Variants in TTC7A observed in about 807,000 individuals in gnomAD.
The protein encoded by TTC7A is tetratricopeptide repeat protein 7A.
TTC7A carries 110 observed loss-of-function variants against 103.7 expected under a neutral mutation model. That is an observed-to-expected ratio of 1.06 (90% CI 0.91 to 1.24). The LOEUF (loss-of-function observed/expected upper bound fraction) is 1.24, where lower values mean the gene tolerates loss of function less well. Ranked by LOEUF, TTC7A falls within the 50% of genes most tolerant of loss-of-function variation. TTC7A has a pLI of 0.00. For missense variants in TTC7A, 1,340 were observed against 1,116.3 expected (o/e 1.20, Z -2.86); for synonymous variants, 521 against 467.9 (o/e 1.11, Z -1.47).
intron 2 of TTC7A, among the ~76,000 whole-genome samples, chr2:46,955,623 A>G (rs907731635): frequency 7.9e-5 from 12 of 152,176 alleles, no homozygotes; most frequent in Non-Finnish European, 1.8e-4. Context: ...TGGATTTACA[A>G]AGGCCAGAAG....
At chr2:47,050,133 G>C in intron 17 of TTC7A, 87 bp downstream of exon 17, 3 of 1,167,812 alleles carry the variant, frequency 2.6e-6, no homozygotes, top group Non-Finnish European at 3.8e-6. Context: ...GAGGGGCCGG[G>C]CCCTCTCCCA....
At chr2:46,979,611 G>A (rs1015073166) in intron 5 of TTC7A, among the ~76,000 whole-genome samples, 12 of 152,172 alleles carry the variant, frequency 7.9e-5, no homozygotes, top group African/African-American at 2.9e-4. Flanking sequence ...CTGGTGTTAG[G>A]CCGGGAGTGG....
At chr2:46,956,744 C>G (rs1558506374) in intron 2 of TTC7A, 95 bp from the exon 3 acceptor site, 2 of 1,395,624 alleles carry the variant, frequency 1.4e-6, no homozygotes, top group Non-Finnish European at 2.0e-6. Flanking sequence ...GAGTTCTGAG[C>G]AAGGTCTGAG....
At chr2:46,974,708 A>AGG in intron 3 of TTC7A, 2 of 570,056 alleles carry the variant, frequency 3.5e-6, no homozygotes, top group Non-Finnish European at 6.6e-6. Context: ...TGCGTTACAG[A>AGG]GGAGGGGTCA....
At chr2:46,954,583 T>A (rs1671684042) in intron 2 of TTC7A, among the ~76,000 whole-genome samples, 1 of 150,694 alleles carries the variant, frequency 6.6e-6, no homozygotes, top group Non-Finnish European at 1.5e-5. Context: ...TTTTTTTTTT[T>A]TTTGAGACAA....
intron 16 of TTC7A, among the ~76,000 whole-genome samples, chr2:47,049,110 G>A (rs572155105): frequency 1.3e-4 from 20 of 152,164 alleles, no homozygotes; most frequent in Non-Finnish European, 2.8e-4. Flanking sequence ...CATCATCTTG[G>A]TGCTTCTCTG....
rs6726941 is a variant in TTC7A at position 46,957,308 on chromosome 2, C to T, written c.517+301C>T. Among the ~76,000 whole-genome samples the T allele has an allele frequency of 0.061, 9,300 of 152,342 alleles. 299 individuals carry two copies. The highest frequency in any genetic ancestry group is 0.072 in the Non-Finnish European group (4,890 of 68,034). On this transcript the variant is annotated intron_variant, in intron 3 of 19. Coordinates refer to ENST00000319190, the MANE Select transcript of TTC7A (RefSeq NM_020458.4). ...CCTCAGTTTACTTGTTTGGAAGATA[C>T]GGTTGTAATACCTGACCTCCCAGGG...
At chr2:47,037,990 C>T (rs1297531033) in intron 15 of TTC7A, among the ~76,000 whole-genome samples, 1 of 152,152 alleles carries the variant, frequency 6.6e-6, no homozygotes, top group Non-Finnish European at 1.5e-5. Context: ...GTCACTCATG[C>T]CTGTAATCCC....
At chr2:47,071,530 C>G (rs1684714819) in intron 19 of TTC7A, among the ~76,000 whole-genome samples, 1 of 152,226 alleles carries the variant, frequency 6.6e-6, no homozygotes, top group Non-Finnish European at 1.5e-5. Context: ...CTCACAAGAG[C>G]CCCGCGAGGA....
chr2:46,959,574 T>C (rs1367147429), intron 3 of TTC7A, among the ~76,000 whole-genome samples: 1 of 151,722 alleles, frequency 6.6e-6, no homozygotes, highest in East Asian at 1.9e-4. Context: ...TTTAGGGGAG[T>C]CAGGAGCAGG....
chr2:47,023,833 A>C (rs557369734), intron 13 of TTC7A, among the ~76,000 whole-genome samples: 2 of 152,006 alleles, frequency 1.3e-5, no homozygotes, highest in Non-Finnish European at 2.9e-5. Context: ...ACCTCCTTCT[A>C]GCTCCTCCCC....
chr2:47,042,869 T>C (rs1256482741), intron 15 of TTC7A, among the ~76,000 whole-genome samples: 3 of 152,158 alleles, frequency 2.0e-5, no homozygotes, highest in African/African-American at 2.4e-5. Context: ...TTAGGCTCAG[T>C]TGGTTTATAA....
rs538552829 is a variant in TTC7A, at chr2:46,963,972, T to C, written c.517+6965T>C. On this transcript the variant is annotated intron_variant, in intron 3 of 19. Coordinates refer to ENST00000319190, the MANE Select transcript of TTC7A (RefSeq NM_020458.4). Reference sequence around the variant, plus strand: ...CTTGTGGACTGAGATGTGGGAATGGTTCCTCAAAGGAAAACCAGGGTACGG... The same window carrying C: ...CTTGTGGACTGAGATGTGGGAATGGCTCCTCAAAGGAAAACCAGGGTACGG... 3.9e-5 allele frequency among the ~76,000 whole-genome samples: 6 copies of C among 152,258 alleles called. No homozygotes were observed. The South Asian group carries it at 1.2e-3, about 32-fold the overall frequency.
intron 3 of TTC7A, 40 bp from the exon 4 acceptor site, chr2:46,974,933 C>T (rs372669185): frequency 1.2e-6 from 2 of 1,602,670 alleles, no homozygotes; most frequent in African/African-American, 1.3e-5. Flanking sequence ...GTCAGGGGGC[C>T]CGAGCAGGAC....
chr2:47,002,175 A>C (rs1327915804), intron 8 of TTC7A, among the ~76,000 whole-genome samples: 1 of 152,220 alleles, frequency 6.6e-6, no homozygotes, highest in Non-Finnish European at 1.5e-5. Flanking sequence ...GGAAGGACAA[A>C]GGCTAGGAGC....
At chr2:46,982,337 G>C (rs1674554596) in intron 5 of TTC7A, among the ~76,000 whole-genome samples, 1 of 151,984 alleles carries the variant, frequency 6.6e-6, no homozygotes, top group Non-Finnish European at 1.5e-5. Context: ...TTGTGCCACT[G>C]CACTACAGCC....
At chr2:46,985,737 C>T (rs1674948141) in intron 5 of TTC7A, among the ~76,000 whole-genome samples, 1 of 152,254 alleles carries the variant, frequency 6.6e-6, no homozygotes, top group African/African-American at 2.4e-5. Context: ...GGCATGTCTA[C>T]ATCAGTGAGC....
At chr2:47,039,832 A>G (rs914127138) in intron 15 of TTC7A, among the ~76,000 whole-genome samples, 13 of 152,210 alleles carry the variant, frequency 8.5e-5, no homozygotes, top group Non-Finnish European at 1.6e-4. Flanking sequence ...GAGATTGGCA[A>G]AGCTGGTGGC....
intron 2 of TTC7A, among the ~76,000 whole-genome samples, chr2:46,935,654 C>A (rs561573517): frequency 6.6e-6 from 1 of 152,290 alleles, no homozygotes; most frequent in South Asian, 2.1e-4. Flanking sequence ...CCAACTGAGA[C>A]CTCCTCAACA....
Sources: allele counts gnomAD v4.1 joint callset (sites outside exome capture counted in the v4.1 genomes callset), GRCh38; gene constraint gnomAD v4.1.1; transcripts MANE v1.5; gene names NCBI Gene and HGNC (gene_info 2026-07-23, HGNC 2026-07-21).